The following MAN1C1 variants were observed in gnomAD, a reference collection of about 807,000 sequenced individuals.
MAN1C1 encodes mannosyl-oligosaccharide 1,2-alpha-mannosidase IC.
MAN1C1 carries 49 observed loss-of-function variants against 71.5 expected under a neutral mutation model. The observed-to-expected ratio is 0.69, with a 90% confidence interval of 0.54 to 0.87. The LOEUF is 0.87. Ranked by LOEUF, MAN1C1 falls within the 40% of genes least tolerant of loss-of-function variation. The pLI is 0.00. For synonymous variants in MAN1C1, 352 were observed against 343.7 expected (o/e 1.02, Z -0.27); for missense variants, 743 against 835.0 (o/e 0.89, Z 1.36).
At chr1:25,667,484 C>CA (rs756375842) in intron 1 of MAN1C1, among the ~76,000 whole-genome samples, 7,628 of 48,436 alleles carry the variant, frequency 0.16, 1,000 homozygotes, top group African/African-American at 0.31. Context: ...GACTCCATCT[C>CA]AAAAAAAAAA....
chr1:25,662,819 T>TG (rs2045869001), intron 1 of MAN1C1, among the ~76,000 whole-genome samples: 1 of 152,130 alleles, frequency 6.6e-6, no homozygotes, highest in African/African-American at 2.4e-5. Context: ...CCCAGCACTT[T>TG]GGGAGGCCAA....
chr1:25,635,864 A>G (rs1222248212), intron 1 of MAN1C1, among the ~76,000 whole-genome samples: 2 of 152,032 alleles, frequency 1.3e-5, no homozygotes, highest in Non-Finnish European at 2.9e-5. Flanking sequence ...TACTGGGGGA[A>G]CCCACCCCCA....
In MAN1C1 at chr1:25,709,045, C is replaced by T. The variant is rs567658180; in HGVS notation, c.637+22509C>T. On this transcript the variant is annotated intron_variant, in intron 2 of 11. Coordinates refer to ENST00000374332, the MANE Select transcript of MAN1C1 (RefSeq NM_020379.4). ...TGCAGGGATGAGACACAGCCGATGC[C>T]CACCGCCATGCAGAAGCCTAACACC... Among the ~76,000 whole-genome samples, 63 of 152,286 alleles carry T rather than the reference C, an allele frequency of 4.1e-4. No homozygotes were observed. The South Asian group carries it at 6.8e-3, about 17-fold the overall frequency.
At chr1:25,683,753 G>C (rs1020447582) in intron 1 of MAN1C1, among the ~76,000 whole-genome samples, 4 of 152,154 alleles carry the variant, frequency 2.6e-5, no homozygotes, top group Non-Finnish European at 5.9e-5. Context: ...GTGTTAGGGA[G>C]AGAGAGAAGG....
intron 2 of MAN1C1, among the ~76,000 whole-genome samples, chr1:25,715,842 A>C (rs1483361640): frequency 6.6e-6 from 1 of 152,188 alleles, no homozygotes; most frequent in East Asian, 1.9e-4. Context: ...GGAAACCCAA[A>C]ATAGCAAGCC....
At position 25,776,408 on chromosome 1, in the gene MAN1C1, G is replaced by A. The variant is rs191354547; in HGVS notation, c.1258-1697G>A. Among the ~76,000 whole-genome samples, 156 of 152,056 alleles carry A rather than the reference G, an allele frequency of 1.0e-3. No homozygotes were observed. Among genetic ancestry groups the A allele is most frequent in the African/African-American group, 2.9e-3 (122 of 41,488 alleles). On this transcript the variant is annotated intron_variant, in intron 8 of 11. Transcript: ENST00000374332. This position sits in a 1 kb window ranked among gnomAD's most constrained non-coding sequence, Gnocchi z 4.3. ...TCTACTAAAAATACAAAAATTAGCC[G>A]GGGGTGGTGGCACACGCCTATAATT...
At chr1:25,751,780 C>T (rs1014539927) in intron 4 of MAN1C1, among the ~76,000 whole-genome samples, 1 of 152,252 alleles carries the variant, frequency 6.6e-6, no homozygotes, top group South Asian at 2.1e-4. Context: ...TAACTGGCTC[C>T]GGGTCGCACA....
intron 1 of MAN1C1, among the ~76,000 whole-genome samples, chr1:25,643,909 C>T (rs1451635720): frequency 1.3e-5 from 2 of 152,168 alleles, no homozygotes; most frequent in Admixed American, 1.3e-4. Context: ...TGTTGGAAAT[C>T]TAGTTGTCAA....
intron 5 of MAN1C1, among the ~76,000 whole-genome samples, chr1:25,754,952 T>A (rs766652204): frequency 4.6e-5 from 7 of 152,352 alleles, no homozygotes; most frequent in Non-Finnish European, 8.8e-5. Context: ...TTGCTAAAAA[T>A]GCCTGGCTCA....
chr1:25,763,006 G>A (rs2047380401), intron 6 of MAN1C1, among the ~76,000 whole-genome samples: 1 of 151,894 alleles, frequency 6.6e-6, no homozygotes, highest in Non-Finnish European at 1.5e-5. Flanking sequence ...AGTGACTCAC[G>A]CCTATAATCC....
Position 25,650,809 on chromosome 1 carries a change from A to G in MAN1C1, c.540+32472A>G, listed in dbSNP as rs550346042. Among the ~76,000 whole-genome samples, 4 of 152,332 alleles carry G rather than the reference A, an allele frequency of 2.6e-5. No homozygotes were observed. In the East Asian group the frequency reaches 7.7e-4, roughly 29 times the overall value. On this transcript the variant is annotated intron_variant, in intron 1 of 11. Coordinates refer to ENST00000374332, the MANE Select transcript of MAN1C1 (RefSeq NM_020379.4). ...AAGTAAATATCAATTTAGTCCTTAC[A>G]GAAGGAGAATAAAGGAGACTTGGTT...
chr1:25,624,694 A>G (rs1179003515), intron 1 of MAN1C1, among the ~76,000 whole-genome samples: 1 of 152,180 alleles, frequency 6.6e-6, no homozygotes, highest in East Asian at 1.9e-4. Flanking sequence ...TGGGCAAACA[A>G]TTGTCACTAA....
At chr1:25,620,843 C>G (rs1042783883) in intron 1 of MAN1C1, among the ~76,000 whole-genome samples, 11 of 152,234 alleles carry the variant, frequency 7.2e-5, no homozygotes, top group Non-Finnish European at 1.5e-4. Flanking sequence ...GAGAGATGGA[C>G]ATGGTCACCA....
intron 1 of MAN1C1, among the ~76,000 whole-genome samples, chr1:25,649,491 C>T (rs948902650): frequency 6.6e-6 from 1 of 152,202 alleles, no homozygotes; most frequent in Admixed American, 6.5e-5. Context: ...GTCCTCTTGA[C>T]TTTCTTAACT....
rs188922012 is a variant in MAN1C1 at position 25,675,509 on chromosome 1, C to T, written c.541-10931C>T. Among the ~76,000 whole-genome samples the T allele has an allele frequency of 2.3e-3, 324 of 142,994 alleles. 1 individual carries two copies. The highest frequency in any genetic ancestry group is 4.6e-3 in the Admixed American group (62 of 13,408). 93.8% of individuals were successfully genotyped at this position (142,994 alleles called of 152,430 possible). A position where few individuals can be genotyped will look rare whatever the true frequency, so the allele number is the denominator to read the frequency against. On this transcript the variant is annotated intron_variant, in intron 1 of 11. Transcript: ENST00000374332. ...GGTCGATGGGCACTTGGGTTGGTTTCGTATCTTTGCAATTGCAAATTGTGC... is the reference window on the plus strand; with the variant it reads ...GGTCGATGGGCACTTGGGTTGGTTTTGTATCTTTGCAATTGCAAATTGTGC...
intron 1 of MAN1C1, among the ~76,000 whole-genome samples, chr1:25,639,603 A>G (rs1557743911): frequency 6.6e-6 from 1 of 152,230 alleles, no homozygotes; most frequent in Non-Finnish European, 1.5e-5. Flanking sequence ...TGGCTAGGAA[A>G]CTATTTAATC....
At chr1:25,732,315 C>G (rs1424155913) in intron 2 of MAN1C1, among the ~76,000 whole-genome samples, 2 of 152,120 alleles carry the variant, frequency 1.3e-5, no homozygotes, top group Non-Finnish European at 2.9e-5. Context: ...CCCAGTCTCC[C>G]AAGTTGTGCA....
At chr1:25,733,456 G>GC (rs1439071970) in intron 2 of MAN1C1, among the ~76,000 whole-genome samples, 1 of 151,738 alleles carries the variant, frequency 6.6e-6, no homozygotes, top group Non-Finnish European at 1.5e-5. Context: ...TGTGCATTCT[G>GC]CCCGCCGTGC....
At chr1:25,643,654 G>A (rs779423624) in intron 1 of MAN1C1, among the ~76,000 whole-genome samples, 30 of 148,160 alleles carry the variant, frequency 2.0e-4, no homozygotes, top group Non-Finnish European at 4.0e-4. Context: ...ACAGACACCC[G>A]CCACCCCACC....
Sources: gnomAD v4.1 joint callset for allele counts (sites outside exome capture counted in the v4.1 genomes callset) on GRCh38, gnomAD v4.1.1 for gene constraint, Gnocchi (gnomAD v3.1) non-coding constraint, MANE v1.5 for transcripts, NCBI Gene and HGNC (gene_info 2026-07-23, HGNC 2026-07-21) for gene names.